The following GRIK4 variants were observed in gnomAD, a reference collection of about 807,000 sequenced individuals.
The protein encoded by GRIK4 is glutamate ionotropic receptor kainate type subunit 4.
GRIK4 carries 40 observed loss-of-function variants against 104.9 expected under a neutral mutation model. That is an observed-to-expected ratio of 0.38 (90% confidence interval 0.30 to 0.50). The LOEUF is 0.50. Among genes scored for constraint, GRIK4 ranks in the 20% least tolerant of loss-of-function variants. The pLI is 0.93. For missense variants in GRIK4, 1,047 were observed against 1,308.1 expected, an observed-to-expected ratio of 0.80 and a Z score of 3.08; for synonymous variants, 485 against 524.9, an observed-to-expected ratio of 0.92 and a Z score of 1.04.
At chr11:120,809,186 C>T (rs1952776209) in intron 4 of GRIK4, among the ~76,000 whole-genome samples, 1 of 152,242 alleles carries the variant, frequency 6.6e-6, no homozygotes, top group Non-Finnish European at 1.5e-5. Context: ...CACCCCTGTC[C>T]AGCCTGGGCT....
chr11:120,953,652 G>C lies in GRIK4; in HGVS notation c.1700+688G>C, dbSNP rs1944062631. ...CCCTGCCCTATCCCCAGGAAACCAG[G>C]GGCTGCCCTGGCCCTTTGGAAAAAC... On this transcript the variant is annotated intron_variant, in intron 15 of 20. Coordinates refer to ENST00000527524, the MANE Select transcript of GRIK4 (RefSeq NM_014619.5). The surrounding 1 kb of genome is among the most constrained non-coding windows in gnomAD (Gnocchi z 4.9). Among the ~76,000 whole-genome samples the C allele has an allele frequency of 6.6e-6, 1 of 151,928 alleles. No individual in the cohort carries two copies. The highest frequency in any genetic ancestry group is 1.5e-5 in the Non-Finnish European group (1 of 67,984).
At chr11:120,927,856 T>C (rs1009644514) in intron 13 of GRIK4, among the ~76,000 whole-genome samples, 1 of 152,058 alleles carries the variant, frequency 6.6e-6, no homozygotes, top group Non-Finnish European at 1.5e-5. Context: ...TTTTAAAATA[T>C]TTTAAAATAA....
intron 1 of GRIK4, among the ~76,000 whole-genome samples, chr11:120,567,959 CACTTGAG>C (rs2135066663): frequency 6.6e-6 from 1 of 152,274 alleles, no homozygotes; most frequent in Non-Finnish European, 1.5e-5. Context: ...GCAGGAGGAT[CACTTGAG>C]TCTAAGAGTT....
chr11:120,962,373 A>G (rs567605582), intron 17 of GRIK4, 83 bp from the exon 18 acceptor site: 2 of 862,968 alleles, frequency 2.3e-6, no homozygotes, highest in Admixed American at 4.4e-5. Context: ...CGGCATCTTA[A>G]GGTGCACTTT....
At chr11:120,673,966 C>T (rs190986745) in intron 3 of GRIK4, among the ~76,000 whole-genome samples, 1 of 152,306 alleles carries the variant, frequency 6.6e-6, no homozygotes, top group East Asian at 1.9e-4. Flanking sequence ...CTGACTCTAT[C>T]TCTCTGTGCC....
chr11:120,976,893 ATG>A (rs1374634348), intron 19 of GRIK4, among the ~76,000 whole-genome samples: 9 of 152,128 alleles, frequency 5.9e-5, no homozygotes, highest in African/African-American at 2.2e-4. Flanking sequence ...TCGTGGAGAT[ATG>A]TGAGTGTTTT....
intron 6 of GRIK4, 82 bp downstream of exon 6, chr11:120,820,002 A>G (rs1261773473): frequency 1.1e-5 from 15 of 1,372,844 alleles, no homozygotes; most frequent in Non-Finnish European, 1.4e-5. Flanking sequence ...CTGGCTGGAG[A>G]CCCTCCAGGA....
intron 11 of GRIK4, among the ~76,000 whole-genome samples, chr11:120,880,677 C>A (rs1395233939): frequency 6.6e-6 from 1 of 152,224 alleles, no homozygotes; most frequent in Non-Finnish European, 1.5e-5. Flanking sequence ...TCTCCTTGAG[C>A]ATGTCCTGGG....
intron 1 of GRIK4, among the ~76,000 whole-genome samples, chr11:120,565,191 C>T (rs866785952): frequency 6.6e-5 from 10 of 151,988 alleles, no homozygotes; most frequent in African/African-American, 2.4e-4. Context: ...CCCAGCTGTC[C>T]CGGCCGCCGC....
chr11:120,836,341 TAG>T (rs1467197790), intron 7 of GRIK4, among the ~76,000 whole-genome samples: 1 of 152,224 alleles, frequency 6.6e-6, no homozygotes, highest in African/African-American at 2.4e-5. Flanking sequence ...GCCAACCTCA[TAG>T]AGTTATCCCA....
intron 7 of GRIK4, among the ~76,000 whole-genome samples, chr11:120,836,513 T>C (rs1953578186): frequency 6.6e-6 from 1 of 152,224 alleles, no homozygotes; most frequent in African/African-American, 2.4e-5. Flanking sequence ...GCTATATCCA[T>C]GGGAGTATGT....
At chr11:120,592,118 C>T (rs1397932258) in intron 1 of GRIK4, among the ~76,000 whole-genome samples, 1 of 152,196 alleles carries the variant, frequency 6.6e-6, no homozygotes, top group Non-Finnish European at 1.5e-5. Flanking sequence ...AGATTTGCTG[C>T]TGGGGTCCTT....
At chr11:120,614,287 A>G (rs914143911) in intron 1 of GRIK4, among the ~76,000 whole-genome samples, 1 of 152,218 alleles carries the variant, frequency 6.6e-6, no homozygotes, top group Admixed American at 6.5e-5. Flanking sequence ...GCCTGATAGA[A>G]GAGTGGAGAA....
chr11:120,780,396 T>C (rs1187655656), intron 3 of GRIK4, among the ~76,000 whole-genome samples: 3 of 152,258 alleles, frequency 2.0e-5, no homozygotes, highest in African/African-American at 7.2e-5. Context: ...CTTTGTCTTT[T>C]TGTGTCTGGC....
chr11:120,722,389 C>A (rs2135377869), intron 3 of GRIK4, among the ~76,000 whole-genome samples: 1 of 152,166 alleles, frequency 6.6e-6, no homozygotes, highest in African/African-American at 2.4e-5. Flanking sequence ...GAGGCCGAGG[C>A]AGGTGGATCA....
Position 120,972,816 on chromosome 11 carries a change from G to A in GRIK4, c.2395+5493G>A, listed in dbSNP as rs526947. On this transcript the variant is annotated intron_variant, in intron 19 of 20. Coordinates refer to ENST00000527524, the MANE Select transcript of GRIK4 (RefSeq NM_014619.5). ...TTTGGCTGTGTAATGGGCTTGTACT[G>A]TGGTATGACGCATATTTCTGGAGTT... 4.1e-4 allele frequency among the ~76,000 whole-genome samples: 63 copies of A among 152,212 alleles called. 1 individual carries two copies. The highest frequency in any genetic ancestry group is 3.4e-3 in the Middle Eastern group (1 of 294).
chr11:120,752,344 G>A (rs114020967), intron 3 of GRIK4, among the ~76,000 whole-genome samples: 66 of 152,294 alleles, frequency 4.3e-4, no homozygotes, highest in African/African-American at 1.3e-3. Flanking sequence ...CTGTAACCTT[G>A]CTAGGGAAGC....
chr11:120,677,491 T>C (rs1040659887), intron 3 of GRIK4, among the ~76,000 whole-genome samples: 3 of 152,244 alleles, frequency 2.0e-5, no homozygotes, highest in African/African-American at 7.2e-5. Flanking sequence ...AAGCTGGTCC[T>C]GCCTGTTCCT....
At chr11:120,859,851 C>G (rs1954214242) in intron 8 of GRIK4, among the ~76,000 whole-genome samples, 1 of 152,210 alleles carries the variant, frequency 6.6e-6, no homozygotes, top group Admixed American at 6.5e-5. Flanking sequence ...TAAACCTTAT[C>G]CAAATCCACT....
Sources: allele counts gnomAD v4.1 joint callset (sites outside exome capture counted in the v4.1 genomes callset), GRCh38; gene constraint gnomAD v4.1.1; non-coding constraint Gnocchi (gnomAD v3.1); transcripts MANE v1.5; gene names NCBI Gene and HGNC (gene_info 2026-07-23, HGNC 2026-07-21).